Variants in HMG20A observed in about 807,000 individuals in gnomAD.
HMG20A encodes high mobility group 20A.
In HMG20A, 17 loss-of-function variants were observed where a neutral mutation model predicts 43.9. The observed-to-expected ratio is 0.39, with a 90% confidence interval of 0.27 to 0.58. The LOEUF is 0.58. Ranked by LOEUF, HMG20A falls within the 20% of genes least tolerant of loss-of-function variation. The pLI is 0.59. For synonymous variants in HMG20A, 132 were observed against 147.5 expected (o/e 0.89, Z 0.76); for missense variants, 341 against 438.2 (o/e 0.78, Z 1.98).
chr15:77,427,420 T>G (rs947897561), intron 1 of HMG20A, among the ~76,000 whole-genome samples: 1 of 152,190 alleles, frequency 6.6e-6, no homozygotes, highest in African/African-American at 2.4e-5. Flanking sequence ...GTTCTAGATA[T>G]GATACCTACA....
At chr15:77,497,682 A>AGAGAGAGAGTGTGTGT in the HMG20A span, among the ~76,000 whole-genome samples, 7 of 119,086 alleles carry the variant, frequency 5.9e-5, no homozygotes, top group African/African-American at 2.2e-4. Context: ...AGAGAGAGAG[A>AGAGAGAGAGTGTGTGT]GTGTGTGTGT....
intron 1 of HMG20A, among the ~76,000 whole-genome samples, chr15:77,441,999 A>G (rs536867527): frequency 6.6e-6 from 1 of 152,340 alleles, no homozygotes; most frequent in East Asian, 1.9e-4. Flanking sequence ...CAGTGGAATT[A>G]GAGATGAATC....
At chr15:77,433,217 G>A (rs145339570) in intron 1 of HMG20A, among the ~76,000 whole-genome samples, 4 of 151,840 alleles carry the variant, frequency 2.6e-5, no homozygotes, top group East Asian at 1.9e-4. Flanking sequence ...GCATGATAGC[G>A]TGCACCTATA....
intron 1 of HMG20A, among the ~76,000 whole-genome samples, chr15:77,432,891 C>T (rs1264277552): frequency 2.0e-5 from 3 of 151,190 alleles, no homozygotes; most frequent in Non-Finnish European, 4.4e-5. Flanking sequence ...AATTTCTTTA[C>T]AGATTCTACA....
chr15:77,516,262 G>C, the HMG20A span, among the ~76,000 whole-genome samples: 1 of 152,132 alleles, frequency 6.6e-6, no homozygotes, highest in Non-Finnish European at 1.5e-5. Context: ...GGCAACGATG[G>C]CATGCATAGT....
chr15:77,517,143 G>A, the HMG20A span, among the ~76,000 whole-genome samples: 4 of 152,208 alleles, frequency 2.6e-5, no homozygotes, highest in Non-Finnish European at 4.4e-5. Context: ...ATCCCTGTGG[G>A]GATCCACGGG....
the HMG20A span, among the ~76,000 whole-genome samples, chr15:77,516,023 G>A: frequency 6.6e-6 from 1 of 152,206 alleles, no homozygotes; most frequent in Admixed American, 6.5e-5. Context: ...ACCCAGGGAG[G>A]CATCAAGGAG....
At chr15:77,434,673 G>A (rs1461525711) in intron 1 of HMG20A, among the ~76,000 whole-genome samples, 1 of 152,092 alleles carries the variant, frequency 6.6e-6, no homozygotes, top group African/African-American at 2.4e-5. Flanking sequence ...AGATACTTGG[G>A]ACCTCTCAGT....
chr15:77,507,649 G>C, the HMG20A span, among the ~76,000 whole-genome samples: 1 of 152,220 alleles, frequency 6.6e-6, no homozygotes, highest in African/African-American at 2.4e-5. Flanking sequence ...GGACACTTTA[G>C]AGGTGCCCCA....
At chr15:77,449,390 A>G (rs2073710604) in intron 1 of HMG20A, among the ~76,000 whole-genome samples, 1 of 152,192 alleles carries the variant, frequency 6.6e-6, no homozygotes, top group Non-Finnish European at 1.5e-5. Context: ...ACTGCCTGGC[A>G]GGATTAGCCA....
chr15:77,456,547 G>T (rs2142321656), intron 1 of HMG20A, among the ~76,000 whole-genome samples: 1 of 151,250 alleles, frequency 6.6e-6, no homozygotes, highest in Admixed American at 6.6e-5. Flanking sequence ...TGGTGTGGTG[G>T]CACGTACCTG....
chr15:77,495,963 C>T, the HMG20A span, among the ~76,000 whole-genome samples: 131 of 152,312 alleles, frequency 8.6e-4, no homozygotes, highest in African/African-American at 3.0e-3. Flanking sequence ...TCCTGAACCT[C>T]GCCACAAATT....
chr15:77,470,410 A>G (rs1311189501), intron 4 of HMG20A, among the ~76,000 whole-genome samples: 7 of 152,178 alleles, frequency 4.6e-5, no homozygotes, highest in South Asian at 2.1e-4. Flanking sequence ...TGTGTCTCCC[A>G]GCTTCATTGC....
chr15:77,515,133 A>AT, the HMG20A span, among the ~76,000 whole-genome samples: 2 of 152,184 alleles, frequency 1.3e-5, no homozygotes, highest in African/African-American at 4.8e-5. Flanking sequence ...TAGGAAATAA[A>AT]TCAGGAGAAC....
chr15:77,440,300 G>A (rs536573451), intron 1 of HMG20A, among the ~76,000 whole-genome samples: 1 of 152,164 alleles, frequency 6.6e-6, no homozygotes, highest in East Asian at 1.9e-4. Context: ...TTAAATTGTG[G>A]TATTAAACTA....
Position 77,479,256 on chromosome 15 carries a change from C to T in HMG20A, c.985C>T (p.Gln329Ter). The change falls in exon 9 of 10, where the codon CAA becomes TAA. Residue 329 changes from glutamine to a stop codon, truncating the protein, a stop_gained. Coordinates refer to ENST00000336216, the MANE Select transcript of HMG20A (RefSeq NM_001304504.2). LOFTEE classifies it high-confidence loss of function. The stretch of plus-strand genomic sequence containing the variant: ...GCACAGTATTATTTTAGCTAATCCC[C>T]AAGACAATGAAAACTTCATAGCTAC... ...RLHSIILANPQDNENFIATVR... is the reference protein window; with the variant it reads ...RLHSIILANP The T allele has an allele frequency of 1.2e-6, 2 of 1,614,028 alleles. No homozygotes were observed. Among genetic ancestry groups the T allele is most frequent in the Non-Finnish European group, 1.7e-6 (2 of 1,179,924 alleles).
chr15:77,504,680 G>A, the HMG20A span, among the ~76,000 whole-genome samples: 1 of 152,194 alleles, frequency 6.6e-6, no homozygotes, highest in South Asian at 2.1e-4. Context: ...CTGGAGGACC[G>A]CTGGAGGGGC....
At chr15:77,427,625 CT>C (rs2073439806) in intron 1 of HMG20A, among the ~76,000 whole-genome samples, 1 of 152,098 alleles carries the variant, frequency 6.6e-6, no homozygotes, top group Admixed American at 6.5e-5. Flanking sequence ...ATTCAGGACC[CT>C]TATACATGTT....
the HMG20A span, among the ~76,000 whole-genome samples, chr15:77,517,015 G>T: frequency 6.6e-6 from 1 of 152,204 alleles, no homozygotes; most frequent in African/African-American, 2.4e-5. Flanking sequence ...CCCTCGTCCA[G>T]ACCCCTGCTC....
Sources: allele counts gnomAD v4.1 joint callset (sites outside exome capture counted in the v4.1 genomes callset), GRCh38; gene constraint gnomAD v4.1.1; transcripts MANE v1.5; gene names NCBI Gene and HGNC (gene_info 2026-07-23, HGNC 2026-07-21).